SLIT2: variants seen among roughly 807,000 people sequenced by gnomAD.
The protein encoded by SLIT2 is slit homolog 2 protein.
Under a neutral mutation model 185.7 loss-of-function variants are expected in SLIT2, and 41 were observed. The ratio of observed to expected loss-of-function variants is 0.22; its 90% confidence interval spans 0.17 to 0.29. The LOEUF (loss-of-function observed/expected upper bound fraction) is 0.29. SLIT2 is among the 10% of genes least tolerant of loss of function. SLIT2 has a pLI of 1.00. For synonymous variants in SLIT2, 693 were observed against 680.2 expected (o/e 1.02, Z -0.29); for missense variants, 1,571 against 1,909.0 (o/e 0.82, Z 3.30).
intron 29 of SLIT2, among the ~76,000 whole-genome samples, chr4:20,575,015 G>A (rs1208725238): frequency 6.6e-6 from 1 of 152,066 alleles, no homozygotes; most frequent in African/African-American, 2.4e-5. Flanking sequence ...ACCTTCCTGG[G>A]TCAAATGGCT....
chr4:20,560,973 TG>T (rs1309366265), intron 26 of SLIT2, among the ~76,000 whole-genome samples: 3 of 151,860 alleles, frequency 2.0e-5, no homozygotes, highest in African/African-American at 4.8e-5. Flanking sequence ...TTCTAAAAAA[TG>T]GTATGGAAGT....
Position 20,449,414 on chromosome 4 carries a change from C to T in SLIT2, c.396-18338C>T, listed in dbSNP as rs144255385. On this transcript the variant is annotated intron_variant, in intron 4 of 36. Coordinates refer to ENST00000504154, the MANE Select transcript of SLIT2 (RefSeq NM_004787.4). The stretch of plus-strand genomic sequence containing the variant: ...AAAAAACAGGGTTTTTGTTTTGTTT[C>T]GTTTTGATTTTTATGAGGGAGTCTC... Among the ~76,000 whole-genome samples, 9 of 152,050 alleles carry T rather than the reference C, an allele frequency of 5.9e-5. No homozygotes were observed. In the East Asian group the frequency reaches 7.8e-4, roughly 13 times the overall value.
At chr4:20,480,628 G>A in intron 5 of SLIT2, 88 bp from the exon 6 acceptor site, 3 of 900,242 alleles carry the variant, frequency 3.3e-6, no homozygotes, top group East Asian at 2.4e-5. Flanking sequence ...TGTGTCCAGG[G>A]TATCATAGAC....
chr4:20,467,389 A>G (rs893899711), intron 4 of SLIT2, among the ~76,000 whole-genome samples: 5 of 152,070 alleles, frequency 3.3e-5, no homozygotes, highest in African/African-American at 1.2e-4. Flanking sequence ...GAGAAATATA[A>G]ACTACTAAAA....
chr4:20,600,786 G>A (rs1410303760), intron 33 of SLIT2, among the ~76,000 whole-genome samples: 1 of 151,728 alleles, frequency 6.6e-6, no homozygotes, highest in African/African-American at 2.4e-5. Flanking sequence ...ATTGCCTTTT[G>A]GCTTATGACC....
chr4:20,516,268 T>C (rs1720204827), intron 11 of SLIT2, among the ~76,000 whole-genome samples: 1 of 152,190 alleles, frequency 6.6e-6, no homozygotes, highest in African/African-American at 2.4e-5. Context: ...TACCTTAAAA[T>C]TTCCCTATTG....
intron 5 of SLIT2, among the ~76,000 whole-genome samples, chr4:20,468,097 G>A (rs994598489): frequency 2.0e-5 from 3 of 152,030 alleles, no homozygotes; most frequent in African/African-American, 7.2e-5. Context: ...TTGATTCGCA[G>A]ATATTTGTGT....
intron 9 of SLIT2, among the ~76,000 whole-genome samples, chr4:20,504,136 T>C (rs1034767631): frequency 1.1e-4 from 16 of 152,300 alleles, no homozygotes; most frequent in African/African-American, 3.6e-4. Context: ...TTTACAATTA[T>C]ATGTAATAGG....
At chr4:20,527,274 T>G (rs1024194797) in intron 15 of SLIT2, among the ~76,000 whole-genome samples, 1 of 152,106 alleles carries the variant, frequency 6.6e-6, no homozygotes, top group Non-Finnish European at 1.5e-5. Context: ...AAAGAAAATC[T>G]GTCTTGCAGA....
intron 30 of SLIT2, among the ~76,000 whole-genome samples, chr4:20,595,084 C>T (rs1429919428): frequency 6.6e-6 from 1 of 152,062 alleles, no homozygotes; most frequent in African/African-American, 2.4e-5. Context: ...TGGGATTGGC[C>T]CCGTGAATTT....
At chr4:20,589,987 C>G (rs1446035302) in intron 30 of SLIT2, among the ~76,000 whole-genome samples, 1 of 144,238 alleles carries the variant, frequency 6.9e-6, no homozygotes, top group Non-Finnish European at 1.5e-5. Flanking sequence ...CTCACTACAA[C>G]CTCCTCCTCC....
At position 20,484,143 on chromosome 4, in the gene SLIT2, A is replaced by G. The variant is rs1577754600; in HGVS notation, c.540-2057A>G. On this transcript the variant is annotated intron_variant, in intron 6 of 36. Coordinates refer to ENST00000504154, the MANE Select transcript of SLIT2 (RefSeq NM_004787.4). This position sits in a 1 kb window ranked among gnomAD's most constrained non-coding sequence, Gnocchi z 4.3. ...GAGATATAAGAAACTATAGTTCAAAATTAATGCATGTCTGCTCTCTGTGTA... is the reference window on the plus strand; with the variant it reads ...GAGATATAAGAAACTATAGTTCAAAGTTAATGCATGTCTGCTCTCTGTGTA... 6.6e-6 allele frequency among the ~76,000 whole-genome samples: 1 copy of G among 152,164 alleles called. No homozygotes were observed. Among genetic ancestry groups the G allele is most frequent in the Non-Finnish European group, 1.5e-5 (1 of 68,016 alleles).
chr4:20,418,329 A>G (rs534688160), intron 4 of SLIT2, among the ~76,000 whole-genome samples: 2 of 152,186 alleles, frequency 1.3e-5, no homozygotes, highest in African/African-American at 2.4e-5. Flanking sequence ...TAGCAAATTT[A>G]TGTGTAGAAA....
At position 20,472,484 on chromosome 4, in the gene SLIT2, CTATATATAGATA is replaced by C. The variant is rs1560454424; in HGVS notation, c.467+4667_467+4678del. On this transcript the variant is annotated intron_variant, in intron 5 of 36. Transcript: ENST00000504154. ...TCTATATCTATATATAGATATATAT[CTATATATAGATA>C]TATATCTATATATAGATAGATATAT... Among the ~76,000 whole-genome samples, 8 of 14,710 alleles carry C rather than the reference CTATATATAGATA, an allele frequency of 5.4e-4. 3 individuals are homozygous for C. The East Asian group carries it at 0.024, about 44-fold the overall frequency. 9.7% of individuals were successfully genotyped at this position (14,710 alleles called of 152,430 possible).
At chr4:20,448,590 G>C (rs1026965433) in intron 4 of SLIT2, among the ~76,000 whole-genome samples, 2 of 151,942 alleles carry the variant, frequency 1.3e-5, no homozygotes, top group Admixed American at 6.6e-5. Context: ...CAGAGTGCTG[G>C]GATTACAGGC....
intron 4 of SLIT2, among the ~76,000 whole-genome samples, chr4:20,443,259 T>G (rs910245404): frequency 7.2e-5 from 11 of 152,186 alleles, no homozygotes; most frequent in Non-Finnish European, 1.5e-4. Context: ...GAATTTTGAC[T>G]TACATTTTAC....
intron 4 of SLIT2, among the ~76,000 whole-genome samples, chr4:20,378,577 CTAGTATTGTGCCCCAT>C (rs1360868411): frequency 2.6e-5 from 4 of 152,050 alleles, no homozygotes; most frequent in Non-Finnish European, 1.5e-5. Context: ...TCAGTAGTTG[CTAGTATTGTGCCCCAT>C]TTGATTCATC....
intron 5 of SLIT2, among the ~76,000 whole-genome samples, chr4:20,475,758 C>T (rs1716031884): frequency 6.6e-6 from 1 of 152,116 alleles, no homozygotes. Flanking sequence ...AGTTCACTTA[C>T]AATTCCCAGG....
chr4:20,496,187 A>G (rs535921129), intron 9 of SLIT2, among the ~76,000 whole-genome samples: 10 of 152,336 alleles, frequency 6.6e-5, no homozygotes, highest in African/African-American at 2.4e-4. Flanking sequence ...TCAACTGCCT[A>G]TAAATCTAAG....
Sources: gnomAD v4.1 joint callset for allele counts (sites outside exome capture counted in the v4.1 genomes callset) on GRCh38, gnomAD v4.1.1 for gene constraint, Gnocchi (gnomAD v3.1) non-coding constraint, MANE v1.5 for transcripts, NCBI Gene and HGNC (gene_info 2026-07-23, HGNC 2026-07-21) for gene names.